The following TNFAIP8 variants were observed in gnomAD, a reference collection of about 807,000 sequenced individuals.
TNFAIP8 encodes tumor necrosis factor alpha-induced protein 8.
A neutral mutation model predicts 13.3 loss-of-function variants in TNFAIP8; 7 were observed. That is an observed-to-expected ratio of 0.52 (90% CI 0.30 to 0.99). TNFAIP8 has a LOEUF of 0.99. Ranked by LOEUF, TNFAIP8 falls within the 50% of genes least tolerant of loss-of-function variation. TNFAIP8 has a pLI of 0.07. For synonymous variants in TNFAIP8, 94 were observed against 87.6 expected (o/e 1.07, Z -0.41); for missense variants, 258 against 236.9 (o/e 1.09, Z -0.58).
intron 1 of TNFAIP8, among the ~76,000 whole-genome samples, chr5:119,342,200 T>C (rs1200526605): frequency 6.6e-6 from 1 of 152,198 alleles, no homozygotes; most frequent in African/African-American, 2.4e-5. Flanking sequence ...CTTCTAATGA[T>C]AGTATTTCCT....
intron 1 of TNFAIP8, among the ~76,000 whole-genome samples, chr5:119,307,975 C>T (rs1749616135): frequency 6.6e-6 from 1 of 152,106 alleles, no homozygotes; most frequent in Non-Finnish European, 1.5e-5. Context: ...TAAAGAGCCT[C>T]ATTGCAAGGA....
At chr5:119,330,276 C>G (rs1298246561) in intron 1 of TNFAIP8, among the ~76,000 whole-genome samples, 1 of 152,088 alleles carries the variant, frequency 6.6e-6, no homozygotes, top group African/African-American at 2.4e-5. Context: ...GCATAAAGGC[C>G]AAGGTGTTTT....
intron 1 of TNFAIP8, among the ~76,000 whole-genome samples, chr5:119,275,252 C>T (rs1748405159): frequency 6.6e-6 from 1 of 152,052 alleles, no homozygotes; most frequent in Non-Finnish European, 1.5e-5. Flanking sequence ...AGTGGTGTCC[C>T]ACAAATAGAT....
chr5:119,309,619 G>A (rs1293657274), intron 1 of TNFAIP8, among the ~76,000 whole-genome samples: 2 of 152,190 alleles, frequency 1.3e-5, no homozygotes, highest in African/African-American at 2.4e-5. Flanking sequence ...AGTTCTGCAC[G>A]TGATCGAAGC....
rs116495952 is a variant in TNFAIP8 at position 119,288,031 on chromosome 5, C to A, written c.1+19124C>A. 2.6e-3 allele frequency among the ~76,000 whole-genome samples: 401 copies of A among 152,202 alleles called. 1 individual carries two copies. The highest frequency in any genetic ancestry group is 9.1e-3 in the African/African-American group (379 of 41,510). ...GATGTTATCCTGATAATTTAAAAAG[C>A]AAACATACTACCCCCATTACTAAGA... On this transcript the variant is annotated intron_variant, in intron 1 of 1. Coordinates refer to the TNFAIP8 transcript ENST00000274456.
chr5:119,327,674 G>A (rs1480963721), intron 1 of TNFAIP8, among the ~76,000 whole-genome samples: 6 of 152,084 alleles, frequency 3.9e-5, no homozygotes, highest in African/African-American at 2.4e-5. Context: ...GGCCAGGCTG[G>A]TCTCGAACTC....
At chr5:119,334,952 G>T (rs567640009) in intron 1 of TNFAIP8, among the ~76,000 whole-genome samples, 29 of 152,264 alleles carry the variant, frequency 1.9e-4, no homozygotes, top group South Asian at 1.7e-3. Flanking sequence ...AGGCTGGAGT[G>T]ATTAAGTCAT....
intron 1 of TNFAIP8, among the ~76,000 whole-genome samples, chr5:119,357,330 T>C (rs1751468699): frequency 6.6e-6 from 1 of 152,208 alleles, no homozygotes; most frequent in Admixed American, 6.5e-5. Flanking sequence ...TTTCTTGCCG[T>C]GTCCTGTGTT....
intron 1 of TNFAIP8, among the ~76,000 whole-genome samples, chr5:119,296,804 G>T (rs560771677): frequency 2.8e-4 from 42 of 152,042 alleles, no homozygotes; most frequent in Middle Eastern, 3.4e-3. Context: ...CAATTTCAGA[G>T]CCTGTTATTG....
rs181428331 is a variant in TNFAIP8 at position 119,268,793 on chromosome 5, C to T, written c.-114C>T. ...CTTTTCTCCCGCCGGCTCTAACCCG[C>T]GCTTGGCTAAGGTCCGCGGGAACCC... On this transcript the variant is annotated 5_prime_UTR_variant, in exon 1 of 2. Coordinates refer to the TNFAIP8 transcript ENST00000274456. 1.7e-4 allele frequency: 119 copies of T among 691,412 alleles called. 1 individual carries two copies. In the East Asian group the frequency reaches 3.0e-3, roughly 17 times the overall value. The allele number at this position is 691,412 out of a possible 1,614,324, so 42.8% of individuals were successfully genotyped here. A position where few individuals can be genotyped will look rare whatever the true frequency, so the allele number is the denominator to read the frequency against.
intron 1 of TNFAIP8, chr5:119,391,514 C>A: frequency 1.5e-6 from 1 of 679,566 alleles, no homozygotes; most frequent in Admixed American, 2.0e-5. Flanking sequence ...AATCCCAGCA[C>A]TTTGGGAGGC....
chr5:119,343,734 G>GCAC (rs1385369643), intron 1 of TNFAIP8, among the ~76,000 whole-genome samples: 1 of 152,168 alleles, frequency 6.6e-6, no homozygotes, highest in Non-Finnish European at 1.5e-5. Flanking sequence ...GTTCACTGTA[G>GCAC]AAGTATAGGT....
chr5:119,368,479 G>C (rs1751957461), intron 1 of TNFAIP8, among the ~76,000 whole-genome samples: 1 of 149,474 alleles, frequency 6.7e-6, no homozygotes, highest in Admixed American at 6.7e-5. Flanking sequence ...GTTTGTGTTG[G>C]GGTTTAAGAA....
rs892393290 is a variant in TNFAIP8, at chr5:119,399,562, A to T, written c.*6181A>T. 2.6e-5 allele frequency: 4 copies of T among 151,412 alleles called. No homozygotes were observed. The highest frequency in any genetic ancestry group is 2.0e-4 in the Admixed American group (3 of 15,204). The allele number at this position is 151,412 out of a possible 1,614,324, so 9.4% of individuals were successfully genotyped here. A position where few individuals can be genotyped will look rare whatever the true frequency, so the allele number is the denominator to read the frequency against. ...AATTTTGTTCAATTCCAGTCTCCTT[A>T]AAAAAAAATCGGTTTTTGCTTTCAA... On this transcript the variant is annotated 3_prime_UTR_variant, in exon 2 of 2. Coordinates refer to ENST00000504771, the MANE Select transcript of TNFAIP8 (RefSeq NM_014350.4).
chr5:119,297,758 A>G (rs994988988), intron 1 of TNFAIP8, among the ~76,000 whole-genome samples: 3 of 152,054 alleles, frequency 2.0e-5, no homozygotes, highest in South Asian at 2.1e-4. Context: ...TTTGTAGGTC[A>G]CTCAGGACTT....
At chr5:119,295,827 C>T (rs1380077818) in intron 1 of TNFAIP8, among the ~76,000 whole-genome samples, 1 of 151,926 alleles carries the variant, frequency 6.6e-6, no homozygotes. Context: ...TTGTAGTTCT[C>T]CTTGAAGAGG....
chr5:119,312,501 T>A (rs1455695279), intron 1 of TNFAIP8, among the ~76,000 whole-genome samples: 3 of 152,074 alleles, frequency 2.0e-5, no homozygotes, highest in Non-Finnish European at 4.4e-5. Flanking sequence ...TGGGAAGTAG[T>A]GGTTGAGGTT....
At chr5:119,293,030 C>T (rs1185524803) in intron 1 of TNFAIP8, among the ~76,000 whole-genome samples, 1 of 152,080 alleles carries the variant, frequency 6.6e-6, no homozygotes, top group East Asian at 1.9e-4. Context: ...TCTGTGTTGT[C>T]ACCAATGGCA....
At chr5:119,359,085 C>T (rs532713588) in intron 1 of TNFAIP8, among the ~76,000 whole-genome samples, 1 of 152,162 alleles carries the variant, frequency 6.6e-6, no homozygotes, top group Non-Finnish European at 1.5e-5. Context: ...GACTCATCTC[C>T]GTCCACATCT....
Sources: allele counts gnomAD v4.1 joint callset (sites outside exome capture counted in the v4.1 genomes callset), GRCh38; gene constraint gnomAD v4.1.1; transcripts MANE v1.5; gene names NCBI Gene and HGNC (gene_info 2026-07-23, HGNC 2026-07-21).